TJP2: variants seen among roughly 807,000 people sequenced by gnomAD.
TJP2 encodes tight junction protein 2, also known as Friedreich ataxia region gene X104 (tight junction protein ZO-2).
TJP2 carries 91 observed loss-of-function variants against 133.1 expected under a neutral mutation model. The observed-to-expected ratio is 0.68, with a 90% CI of 0.58 to 0.81. The LOEUF (loss-of-function observed/expected upper bound fraction) is 0.81. Among genes scored for constraint, TJP2 ranks in the 40% least tolerant of loss-of-function variants. The probability of loss-of-function intolerance (pLI) is 0.00; values close to 1 mark genes in which losing one functional copy is unlikely to be tolerated. For missense variants in TJP2, 1,541 were observed against 1,565.6 expected (o/e 0.98, Z 0.26); for synonymous variants, 592 against 583.4 (o/e 1.01, Z -0.21).
Position 69,221,469 on chromosome 9 carries a change from C to A in TJP2, c.925C>A (p.Leu309Ile). The part of the protein sequence containing the change: ...PRGRPGPIGV[L>I]LMKSRANEEY... ...GGGGCGGCCGGGGCCCATCGGGGTC[C>A]TCCTGATGAAAAGCAGAGCGAACGA... The change falls in exon 5 of 23, where the codon CTC becomes ATC. Residue 309 changes from leucine to isoleucine, a missense_variant. Physicochemically the swap from Leu to Ile is conservative, Grantham distance 5. Transcript: ENST00000377245. 1 of 1,600,462 alleles carries A rather than the reference C, an allele frequency of 6.2e-7. No individual in the cohort carries two copies. The highest frequency in any genetic ancestry group is 8.5e-7 in the Non-Finnish European group (1 of 1,173,366).
At chr9:69,140,169 C>A (rs981400484) in intron 1 of TJP2, among the ~76,000 whole-genome samples, 5 of 152,060 alleles carry the variant, frequency 3.3e-5, no homozygotes, top group Non-Finnish European at 7.4e-5. Flanking sequence ...GGGGATTCAA[C>A]GAAAGAAAGC....
intron 11 of TJP2, among the ~76,000 whole-genome samples, chr9:69,231,494 A>C (rs1308705003): frequency 6.6e-6 from 1 of 152,010 alleles, no homozygotes; most frequent in East Asian, 1.9e-4. Flanking sequence ...TAAAAAATCC[A>C]TATGTAGTAA....
intron 1 of TJP2, among the ~76,000 whole-genome samples, chr9:69,132,333 C>G (rs952235387): frequency 1.3e-5 from 2 of 152,196 alleles, no homozygotes; most frequent in South Asian, 4.1e-4. Flanking sequence ...TGAGAGCCAC[C>G]TTGTAAGTGG....
Position 69,174,444 on chromosome 9 carries a change from C to A in TJP2, c.60+12C>A, listed in dbSNP as rs1420702500. ...CAGGTTGGCTCCGCGTAAGTGCCTC[C>A]TTGTGCCGCGCGGTTGGGAGGAGGG... On this transcript the variant is annotated intron_variant, in intron 1 of 22. Transcript: ENST00000377245. 7.1e-6 allele frequency: 11 copies of A among 1,550,300 alleles called. No homozygotes were observed. The highest frequency in any genetic ancestry group is 3.9e-5 in the Admixed American group (2 of 50,888).
intron 14 of TJP2, among the ~76,000 whole-genome samples, chr9:69,237,533 A>T (rs751434935): frequency 2.6e-4 from 40 of 151,996 alleles, no homozygotes; most frequent in Middle Eastern, 3.2e-3. Context: ...ATATATTATC[A>T]ATGGGAAAGT....
At chr9:69,252,962 G>C in intron 22 of TJP2, 62 bp downstream of exon 22, 5 of 1,510,164 alleles carry the variant, frequency 3.3e-6, no homozygotes, top group South Asian at 1.1e-5. Flanking sequence ...GGGACTTGAA[G>C]AAAGAATTTC....
chr9:69,248,371 A>T (rs1831082410), intron 19 of TJP2, 147 bp downstream of exon 19: 2 of 1,444,722 alleles, frequency 1.4e-6, no homozygotes, highest in Middle Eastern at 3.6e-4. Context: ...CTTTGAGTCC[A>T]CGCTGGCATG....
chr9:69,154,637 AAAG>A (rs1300971336), intron 2 of TJP2, among the ~76,000 whole-genome samples: 1 of 151,480 alleles, frequency 6.6e-6, no homozygotes, highest in African/African-American at 2.4e-5. Flanking sequence ...AAAAAAAAAA[AAAG>A]AAGGCCAGGC....
Position 69,127,351 on chromosome 9 carries a change from C to G in TJP2, c.-131+5626C>G, listed in dbSNP as rs546638650. ...CCCAAAGTGTTGGAATTACAGGCGT[C>G]AGCCACCGCGCCCGGCCGCAAGGGA... On this transcript the variant is annotated intron_variant, in intron 1 of 5. Coordinates refer to the TJP2 transcript ENST00000423935. Among the ~76,000 whole-genome samples the G allele has an allele frequency of 4.4e-3, 335 of 75,864 alleles. 120 individuals are homozygous for G. The highest frequency in any genetic ancestry group is 0.013 in the African/African-American group (324 of 24,862). The allele number at this position is 75,864 out of a possible 152,430, so 49.8% of individuals were successfully genotyped here.
chr9:69,169,640 G>A (rs1824569615), upstream of TJP2, among the ~76,000 whole-genome samples: 2 of 152,054 alleles, frequency 1.3e-5, no homozygotes, highest in Admixed American at 6.6e-5. Context: ...GATTACAGGC[G>A]TGAGCCACCG....
intron 1 of TJP2, among the ~76,000 whole-genome samples, chr9:69,138,469 C>CG (rs1554768644): frequency 3.4e-5 from 3 of 88,266 alleles, no homozygotes; most frequent in Non-Finnish European, 7.6e-5. Flanking sequence ...GAGAACTTTA[C>CG]AAAAAAAAAA....
At chr9:69,144,220 A>G (rs1363305593) in intron 1 of TJP2, among the ~76,000 whole-genome samples, 1 of 152,180 alleles carries the variant, frequency 6.6e-6, no homozygotes, top group Non-Finnish European at 1.5e-5. Flanking sequence ...ATGGCATAAT[A>G]CTTTCTTCCC....
At chr9:69,219,615 G>T (rs1438498524) in intron 4 of TJP2, among the ~76,000 whole-genome samples, 1 of 152,052 alleles carries the variant, frequency 6.6e-6, no homozygotes, top group Non-Finnish European at 1.5e-5. Context: ...TTAGAGATGG[G>T]ATCTTGTTGT....
At chr9:69,171,676 A>G (rs566735392), upstream of TJP2, among the ~76,000 whole-genome samples, 8 of 151,690 alleles carry the variant, frequency 5.3e-5, no homozygotes, top group Non-Finnish European at 1.0e-4. Context: ...TACACAGTTT[A>G]TCATTACTTG....
rs1418453277 is a variant in TJP2, at chr9:69,246,789, A to G, written c.2666A>G (p.Lys889Arg). The change falls in exon 18 of 23, where the codon AAG (lysine) becomes AGG (arginine). Residue 889 changes from lysine to arginine, a missense_variant and splice_region_variant. Physicochemically the swap from Lys to Arg is conservative, Grantham distance 26. Coordinates refer to ENST00000377245, the MANE Select transcript of TJP2 (RefSeq NM_004817.4). ...QGEAVWVSEGKMEGMDDDPED... is the reference protein window; with the variant it reads ...QGEAVWVSEGRMEGMDDDPED... Reference sequence around the variant, plus strand: ...GAAGCGGTTTGGGTCTCTGAAGGAAAGGTATGTGGCATAGATATGCTGCTA... The same window carrying G: ...GAAGCGGTTTGGGTCTCTGAAGGAAGGGTATGTGGCATAGATATGCTGCTA... The G allele has an allele frequency of 1.9e-6, 3 of 1,613,828 alleles. No individual in the cohort carries two copies. The highest frequency in any genetic ancestry group is 1.7e-6 in the Non-Finnish European group (2 of 1,179,710).
intron 2 of TJP2, among the ~76,000 whole-genome samples, chr9:69,165,221 G>C (rs915114714): frequency 6.6e-6 from 1 of 152,168 alleles, no homozygotes; most frequent in African/African-American, 2.4e-5. Context: ...TCAACCTCTT[G>C]GACTCAAGTG....
rs957559025 is a variant in TJP2, at chr9:69,229,074, T to C, written c.1454-110T>C. ...TTTAGAGACTTCTTTTTGTTTGTGG[T>C]GACATATGTGGCATAGACTTACATT... On this transcript the variant is annotated intron_variant, in intron 9 of 22. Transcript: ENST00000377245. The C allele has an allele frequency of 9.3e-6, 9 of 972,718 alleles. No individual in the cohort carries two copies. In the African/African-American group the frequency reaches 1.4e-4, roughly 16 times the overall value. 60.3% of individuals were successfully genotyped at this position (972,718 alleles called of 1,614,324 possible).
Position 69,123,954 on chromosome 9 carries a change from A to G in TJP2, c.-131+2229A>G, listed in dbSNP as rs1296375584. On this transcript the variant is annotated intron_variant, in intron 1 of 5. Coordinates refer to the TJP2 transcript ENST00000423935. The stretch of plus-strand genomic sequence containing the variant: ...GCCATCTCGGCTCACTGCAAGCTCC[A>G]CCTCCCAGGTTCACGCCATTCTCCT... 3.4e-3 allele frequency among the ~76,000 whole-genome samples: 250 copies of G among 74,346 alleles called. 90 individuals are homozygous for G. The highest frequency in any genetic ancestry group is 0.01 in the African/African-American group (245 of 24,352). The allele number at this position is 74,346 out of a possible 152,430, so 48.8% of individuals were successfully genotyped here.
intron 1 of TJP2, among the ~76,000 whole-genome samples, chr9:69,196,366 A>G (rs1826559491): frequency 6.6e-6 from 1 of 152,228 alleles, no homozygotes; most frequent in African/African-American, 2.4e-5. Context: ...TGATATTGAT[A>G]ATAGCTAAAA....
Sources: gnomAD v4.1 joint callset for allele counts (sites outside exome capture counted in the v4.1 genomes callset) on GRCh38, gnomAD v4.1.1 for gene constraint, MANE v1.5 for transcripts, NCBI Gene and HGNC (gene_info 2026-07-23, HGNC 2026-07-21) for gene names.